The following ACSM2B variants were observed in gnomAD, a reference collection of about 807,000 sequenced individuals.
ACSM2B encodes the protein acyl-coenzyme A synthetase ACSM2B, mitochondrial.
A neutral mutation model predicts 78.6 loss-of-function variants in ACSM2B; 58 were observed. The ratio of observed to expected loss-of-function variants is 0.74; its 90% CI spans 0.60 to 0.92. The LOEUF is 0.92. ACSM2B is among the 40% of genes least tolerant of loss of function. ACSM2B has a pLI of 0.00. For synonymous variants in ACSM2B, 257 were observed against 256.8 expected (o/e 1.00, Z -0.01); for missense variants, 688 against 711.2 (o/e 0.97, Z 0.37).
rs779780583 is a variant in ACSM2B, at chr16:20,543,236, G to A, written c.1308C>T (p.Asn436=). The change falls in exon 11 of 14, where the codon AAC becomes AAT. Residue 436 remains asparagine (N), a synonymous_variant. Transcript: ENST00000329697. ...YVENPDKTAA[N]IRGDFWLLGD... ...CAAGGAGCCAAAAGTCTCCTCGAAT[G>A]TTGGCTGCTGTCTTGTCGGGATTTT... is the stretch of plus-strand genomic sequence containing the variant. 3.8e-5 allele frequency: 62 copies of A among 1,613,608 alleles called. No individual in the cohort carries two copies. The highest frequency in any genetic ancestry group is 5.1e-5 in the Non-Finnish European group (60 of 1,179,888).
chr16:20,544,808 T>G (rs957183942), intron 10 of ACSM2B: 140 of 1,001,834 alleles, frequency 1.4e-4, no homozygotes, highest in African/African-American at 4.0e-4. Context: ...ACGGCATAGA[T>G]CATGGGGATG....
At chr16:20,568,101 G>GAT (rs886399133) in intron 1 of ACSM2B, among the ~76,000 whole-genome samples, 4 of 141,590 alleles carry the variant, frequency 2.8e-5, no homozygotes, top group South Asian at 2.1e-4. Flanking sequence ...CACAGAAGAT[G>GAT]ATATATATAT....
At chr16:20,569,966 C>T (rs2016049503) in intron 1 of ACSM2B, among the ~76,000 whole-genome samples, 1 of 151,786 alleles carries the variant, frequency 6.6e-6, no homozygotes, top group Non-Finnish European at 1.5e-5. Context: ...TTGGAGGAGT[C>T]TTTAAGGTCT....
intron 3 of ACSM2B, among the ~76,000 whole-genome samples, chr16:20,556,564 T>C (rs528783586): frequency 6.6e-6 from 1 of 152,248 alleles, no homozygotes; most frequent in East Asian, 1.9e-4. Context: ...ATCGCACCAC[T>C]GCACTCCAGC....
intron 1 of ACSM2B, among the ~76,000 whole-genome samples, chr16:20,565,858 A>G (rs2015810282): frequency 6.6e-6 from 1 of 151,770 alleles, no homozygotes; most frequent in Non-Finnish European, 1.5e-5. Flanking sequence ...ATTGTGTCAT[A>G]CTCATGACTT....
At chr16:20,539,965 T>C (rs1278553694) in intron 13 of ACSM2B, among the ~76,000 whole-genome samples, 2 of 152,194 alleles carry the variant, frequency 1.3e-5, no homozygotes, top group Non-Finnish European at 2.9e-5. Flanking sequence ...CCAGGACTTT[T>C]CAATTGCATG....
rs2015435348 is a variant in ACSM2B at position 20,555,256 on chromosome 16, T to C, written c.596+13A>G. ...TTTAGTTAAAACCCAGGATGAGACA[T>C]GTAGATACTCACTTTAGTAGTTTCT... On this transcript the variant is annotated intron_variant, in intron 4 of 13. Coordinates refer to ENST00000329697, the MANE Select transcript of ACSM2B (RefSeq NM_001105069.2). 3.7e-6 allele frequency: 6 copies of C among 1,613,926 alleles called. No individual in the cohort carries two copies. The highest frequency in any genetic ancestry group is 1.1e-5 in the South Asian group (1 of 91,058).
intron 2 of ACSM2B, among the ~76,000 whole-genome samples, chr16:20,561,811 C>T (rs56034383): frequency 1.8e-4 from 27 of 149,788 alleles, no homozygotes; most frequent in African/African-American, 3.2e-4. Flanking sequence ...TGTGCTGCAC[C>T]GCTTAACTCA....
intron 12 of ACSM2B, chr16:20,541,348 A>G (rs1178050322): frequency 2.0e-5 from 3 of 152,376 alleles, no homozygotes; most frequent in Non-Finnish European, 4.4e-5. Context: ...ATGTGCTAGG[A>G]CACTGATCCA....
At chr16:20,545,039 C>A in intron 10 of ACSM2B, 118 bp downstream of exon 10, 9 of 1,317,756 alleles carry the variant, frequency 6.8e-6, no homozygotes, top group Non-Finnish European at 9.0e-6. Context: ...GAAAACTGGA[C>A]ACTCTTTGTC....
At chr16:20,545,303 A>G (rs983404400) in intron 9 of ACSM2B, 45 bp from the exon 10 acceptor site, 7 of 1,584,226 alleles carry the variant, frequency 4.4e-6, no homozygotes, top group Non-Finnish European at 6.0e-6. Context: ...ACAGCAGGAG[A>G]TGGCTTCAAT....
At chr16:20,550,347 C>T (rs2015272085) in intron 6 of ACSM2B, among the ~76,000 whole-genome samples, 1 of 152,098 alleles carries the variant, frequency 6.6e-6, no homozygotes, top group Admixed American at 6.5e-5. Context: ...ATCCCATATT[C>T]CTTATTGCTT....
chr16:20,557,070 C>G (rs899208967), intron 3 of ACSM2B, among the ~76,000 whole-genome samples: 88 of 152,052 alleles, frequency 5.8e-4, no homozygotes, highest in African/African-American at 2.0e-3. Context: ...GAGGTGGAAA[C>G]GGCAGTTTGT....
intron 13 of ACSM2B, among the ~76,000 whole-genome samples, chr16:20,538,489 A>G (rs1189258514): frequency 6.6e-6 from 1 of 152,206 alleles, no homozygotes; most frequent in Non-Finnish European, 1.5e-5. Context: ...GATGAAAGCC[A>G]CAGGAGGTAT....
At chr16:20,549,352 T>C (rs1426175332) in intron 6 of ACSM2B, among the ~76,000 whole-genome samples, 1 of 152,110 alleles carries the variant, frequency 6.6e-6, no homozygotes, top group East Asian at 1.9e-4. Context: ...AGAAGCTGCA[T>C]CTGGTGAGAA....
intron 10 of ACSM2B, chr16:20,544,480 A>C: frequency 1.5e-6 from 1 of 674,488 alleles, no homozygotes; most frequent in Non-Finnish European, 1.8e-6. Flanking sequence ...GTGTTTATAC[A>C]ACAATGCTTG....
intron 1 of ACSM2B, 95 bp from the exon 2 acceptor site, chr16:20,564,948 G>C (rs2015779010): frequency 1.3e-6 from 2 of 1,484,844 alleles, no homozygotes; most frequent in East Asian, 4.7e-5. Context: ...AACCTTATAG[G>C]ATTCTTCCCA....
At chr16:20,575,102 A>T (rs1388619144) in intron 1 of ACSM2B, among the ~76,000 whole-genome samples, 1 of 151,772 alleles carries the variant, frequency 6.6e-6, no homozygotes, top group Non-Finnish European at 1.5e-5. Context: ...TACTATTAGA[A>T]TTAGAGTCCT....
intron 1 of ACSM2B, among the ~76,000 whole-genome samples, chr16:20,571,341 G>A (rs1265349840): frequency 6.6e-6 from 1 of 151,958 alleles, no homozygotes; most frequent in Non-Finnish European, 1.5e-5. Context: ...TGATCATTCA[G>A]GAACAGGTTA....
Sources: gnomAD v4.1 joint callset for allele counts (sites outside exome capture counted in the v4.1 genomes callset) on GRCh38, gnomAD v4.1.1 for gene constraint, MANE v1.5 for transcripts, NCBI Gene and HGNC (gene_info 2026-07-23, HGNC 2026-07-21) for gene names.